Variants in CADPS observed in about 807,000 individuals in gnomAD.
The protein encoded by CADPS is calcium-dependent secretion activator 1.
CADPS carries 57 observed loss-of-function variants against 167.3 expected under a neutral mutation model. The observed-to-expected ratio is 0.34, with a 90% CI of 0.28 to 0.42. The LOEUF is 0.42. Among genes scored for constraint, CADPS ranks in the 20% least tolerant of loss-of-function variants. The probability of loss-of-function intolerance (pLI) is 1.00; values close to 1 mark genes in which losing one functional copy is unlikely to be tolerated. For synonymous variants in CADPS, 676 were observed against 635.3 expected (o/e 1.06, Z -0.96); for missense variants, 1,414 against 1,738.1 (o/e 0.81, Z 3.32).
At chr3:62,867,340 C>A (rs115826577) in intron 1 of CADPS, among the ~76,000 whole-genome samples, 1 of 152,006 alleles carries the variant, frequency 6.6e-6, no homozygotes, top group Non-Finnish European at 1.5e-5. Context: ...ACCCCTTTAT[C>A]TGAGTCTTCT....
Position 62,576,788 on chromosome 3 carries a change from TAAAAAAAAAA to T in CADPS, c.1578-5860_1578-5851del, listed in dbSNP as rs138055445. Among the ~76,000 whole-genome samples, 18 of 29,872 alleles carry T rather than the reference TAAAAAAAAAA, an allele frequency of 6.0e-4. No individual in the cohort carries two copies. The East Asian group carries it at 0.012, about 20-fold the overall frequency. 19.6% of individuals were successfully genotyped at this position (29,872 alleles called of 152,430 possible). On this transcript the variant is annotated intron_variant, in intron 8 of 29. Transcript: ENST00000383710. The stretch of plus-strand genomic sequence containing the variant: ...CTGGGTGACAGAGCAAGACTCTGTC[TAAAAAAAAAA>T]AAAAAAAAAAAAAAAAAAAGCAGTC...
At chr3:62,755,029 C>G (rs2083542160) in intron 2 of CADPS, among the ~76,000 whole-genome samples, 1 of 152,156 alleles carries the variant, frequency 6.6e-6, no homozygotes, top group Non-Finnish European at 1.5e-5. Flanking sequence ...TCTTCAGCAC[C>G]TGACACTTTA....
chr3:62,624,460 G>A (rs1828550), intron 6 of CADPS, among the ~76,000 whole-genome samples: 138,201 of 151,938 alleles, frequency 0.91, 63,553 homozygotes, highest in East Asian at 1. Flanking sequence ...ATACAGCTTT[G>A]CAAAGAACCA....
chr3:62,449,349 C>G (rs2057707844), intron 26 of CADPS, among the ~76,000 whole-genome samples: 1 of 152,140 alleles, frequency 6.6e-6, no homozygotes. Context: ...TTCTCTGATT[C>G]AAGTCCCCTT....
At chr3:62,639,427 A>T (rs2066973767) in intron 6 of CADPS, among the ~76,000 whole-genome samples, 1 of 152,096 alleles carries the variant, frequency 6.6e-6, no homozygotes, top group African/African-American at 2.4e-5. Flanking sequence ...TCCCTTTCCC[A>T]TTCAGTGGCC....
chr3:62,500,366 G>A (rs2065545608), intron 17 of CADPS: 1 of 152,152 alleles, frequency 6.6e-6, no homozygotes, highest in African/African-American at 2.4e-5. Flanking sequence ...TTGCTGGCCA[G>A]GATGGTCTCA....
At chr3:62,597,498 TG>T (rs1578474060) in intron 6 of CADPS, among the ~76,000 whole-genome samples, 1 of 152,332 alleles carries the variant, frequency 6.6e-6, no homozygotes, top group East Asian at 1.9e-4. Context: ...TTGAGCCCAG[TG>T]TCCTGGAGAT....
In CADPS at chr3:62,438,042, A is replaced by G; in HGVS notation, c.3777+62T>C. On this transcript the variant is annotated intron_variant, in intron 28 of 29. Coordinates refer to ENST00000383710, the MANE Select transcript of CADPS (RefSeq NM_003716.4). The surrounding 1 kb of genome is among the most constrained non-coding windows in gnomAD (Gnocchi z 4.7). ...AATGTGACTTATCCTCCTGTCTCTT[A>G]TTTTGTCACATTTTGGAGGGTCTCC... 9.1e-7 allele frequency: 1 copy of G among 1,093,628 alleles called. No homozygotes were observed. The highest frequency in any genetic ancestry group is 2.4e-5 in the East Asian group (1 of 42,178). The allele number at this position is 1,093,628 out of a possible 1,614,324, so 67.7% of individuals were successfully genotyped here. A position where few individuals can be genotyped will look rare whatever the true frequency, so the allele number is the denominator to read the frequency against.
intron 7 of CADPS, among the ~76,000 whole-genome samples, chr3:62,589,989 G>C (rs902053176): frequency 2.0e-5 from 3 of 151,980 alleles, no homozygotes; most frequent in Non-Finnish European, 4.4e-5. Flanking sequence ...TAGCAGTTCA[G>C]ACCAGCCTGA....
At chr3:62,825,737 C>T (rs115466446) in intron 1 of CADPS, among the ~76,000 whole-genome samples, 1 of 152,180 alleles carries the variant, frequency 6.6e-6, no homozygotes, top group African/African-American at 2.4e-5. Context: ...TAGAAAATAA[C>T]TTTAAACTTT....
chr3:62,841,286 T>C (rs1237747092), intron 1 of CADPS, among the ~76,000 whole-genome samples: 2 of 152,232 alleles, frequency 1.3e-5, no homozygotes, highest in African/African-American at 4.8e-5. Context: ...AGATTCTCAC[T>C]GTATATTCCT....
At position 62,648,691 on chromosome 3, in the gene CADPS, C is replaced by CAAAAAAAAAAAAAAAAAAAAAAAAAAAA. The variant is rs55665003; in HGVS notation, c.1203+2155_1203+2156insTTTTTTTTTTTTTTTTTTTTTTTTTTTT. 3.9e-4 allele frequency among the ~76,000 whole-genome samples: 21 copies of CAAAAAAAAAAAAAAAAAAAAAAAAAAAA among 54,542 alleles called. 7 individuals carry two copies. Among genetic ancestry groups the CAAAAAAAAAAAAAAAAAAAAAAAAAAAA allele is most frequent in the African/African-American group, 1.1e-3 (18 of 16,738 alleles). 35.8% of individuals were successfully genotyped at this position (54,542 alleles called of 152,430 possible). A position where few individuals can be genotyped will look rare whatever the true frequency, so the allele number is the denominator to read the frequency against. Reference sequence around the variant, plus strand: ...TGGGCAACAGAGTGAGACGTTGTGTCAAAAAAAAAAAAAAGAGGAAAGAAA... The same window carrying CAAAAAAAAAAAAAAAAAAAAAAAAAAAA: ...TGGGCAACAGAGTGAGACGTTGTGTCAAAAAAAAAAAAAAAAAAAAAAAAAAAAAAAAAAAAAAAAAAGAGGAAAGAAA... On this transcript the variant is annotated intron_variant, in intron 5 of 29. Coordinates refer to ENST00000383710, the MANE Select transcript of CADPS (RefSeq NM_003716.4).
At chr3:62,857,219 G>A (rs1488288734) in intron 1 of CADPS, among the ~76,000 whole-genome samples, 2 of 151,986 alleles carry the variant, frequency 1.3e-5, no homozygotes, top group African/African-American at 2.4e-5. Flanking sequence ...AAAAAGAAAT[G>A]CAAATACAGA....
chr3:62,534,949 T>C (rs1271715234), intron 12 of CADPS, among the ~76,000 whole-genome samples: 1 of 152,108 alleles, frequency 6.6e-6, no homozygotes, highest in African/African-American at 2.4e-5. Context: ...TCTGGTTTAA[T>C]TTTTTTAGAG....
rs556498541 is a variant in CADPS, at chr3:62,585,991, G to A, written c.1438-667C>T. On this transcript the variant is annotated intron_variant, in intron 7 of 29. Coordinates refer to ENST00000383710, the MANE Select transcript of CADPS (RefSeq NM_003716.4). Reference sequence around the variant, plus strand: ...CAGTGTGCTTCAGAGATGGCAGTTTGATTTGGGTCTTCTGCATCCATTCTT... The same window carrying A: ...CAGTGTGCTTCAGAGATGGCAGTTTAATTTGGGTCTTCTGCATCCATTCTT... 5.9e-5 allele frequency among the ~76,000 whole-genome samples: 9 copies of A among 152,326 alleles called. No homozygotes were observed. In the East Asian group the frequency reaches 1.7e-3, roughly 29 times the overall value.
chr3:62,403,370 A>C (rs1707132983), intron 28 of CADPS, 185 bp from the exon 29 acceptor site: 1 of 485,874 alleles, frequency 2.1e-6, no homozygotes, highest in Non-Finnish European at 3.7e-6. Context: ...GGTACTGGGT[A>C]CTGGACCAAT....
At chr3:62,427,139 T>C (rs1560229634) in intron 28 of CADPS, among the ~76,000 whole-genome samples, 1 of 152,026 alleles carries the variant, frequency 6.6e-6, no homozygotes, top group Non-Finnish European at 1.5e-5. Context: ...TAGTGACTCA[T>C]TGAACTGACA....
At chr3:62,852,009 C>T (rs1480986418) in intron 1 of CADPS, among the ~76,000 whole-genome samples, 1 of 147,954 alleles carries the variant, frequency 6.8e-6, no homozygotes, top group Non-Finnish European at 1.5e-5. Flanking sequence ...TCCCTTCTCG[C>T]TTCATTTCAT....
At chr3:62,714,632 A>AG (rs1248890181) in intron 3 of CADPS, among the ~76,000 whole-genome samples, 10 of 152,364 alleles carry the variant, frequency 6.6e-5, no homozygotes, top group Admixed American at 2.6e-4. Context: ...TTAGAAGGGC[A>AG]GAAAAAGTTA....
Sources: gnomAD v4.1 joint callset for allele counts (sites outside exome capture counted in the v4.1 genomes callset) on GRCh38, gnomAD v4.1.1 for gene constraint, Gnocchi (gnomAD v3.1) non-coding constraint, MANE v1.5 for transcripts, NCBI Gene and HGNC (gene_info 2026-07-23, HGNC 2026-07-21) for gene names.